Variants in NEB observed in about 807,000 individuals in gnomAD.
NEB encodes the protein nebulin.
A neutral mutation model predicts 952.2 loss-of-function variants in NEB; 512 were observed. The ratio of observed to expected loss-of-function variants is 0.54; its 90% CI spans 0.50 to 0.58. The LOEUF (loss-of-function observed/expected upper bound fraction) is 0.58. NEB is among the 20% of genes least tolerant of loss of function. The pLI is 0.00. For synonymous variants in NEB, 2,900 were observed against 3,149.8 expected (o/e 0.92, Z 2.66); for missense variants, 8,428 against 9,231.1 (o/e 0.91, Z 3.56).
At position 151,492,103 on chromosome 2, in the gene NEB, A is replaced by G; in HGVS notation, c.25052T>C (p.Ile8351Thr). 1 of 1,613,868 alleles carries G rather than the reference A, an allele frequency of 6.2e-7. No individual in the cohort carries two copies. Among genetic ancestry groups the G allele is most frequent in the Non-Finnish European group, 8.5e-7 (1 of 1,179,810 alleles). ...QKRNDQDQETITGLRVWRTNP... is the reference protein window; with the variant it reads ...QKRNDQDQETTTGLRVWRTNP... ...CCCAACCCAGGCTCAGTTACCTGTAATAGTCTCCTGATCTTGGTCATTCCG... is the reference window on the plus strand; with the variant it reads ...CCCAACCCAGGCTCAGTTACCTGTAGTAGTCTCCTGATCTTGGTCATTCCG... The change falls in exon 178 of 182, where the codon ATT (isoleucine) becomes ACT (threonine). Residue 8351 changes from isoleucine to threonine, a missense_variant. Physicochemically the swap from Ile to Thr is moderately conservative, Grantham distance 89 (BLOSUM62 -1). Transcript: ENST00000397345.
chr2:151,723,623 A>G (rs936430909), intron 8 of NEB, 137 bp from the exon 9 acceptor site: 6 of 578,770 alleles, frequency 1.0e-5, no homozygotes, highest in Admixed American at 9.2e-5. Context: ...TTCACAGATA[A>G]CTTCCCACTT....
At chr2:151,685,924 T>C (rs958784297) in intron 27 of NEB, among the ~76,000 whole-genome samples, 2 of 152,232 alleles carry the variant, frequency 1.3e-5, no homozygotes, top group Non-Finnish European at 2.9e-5. Flanking sequence ...ATCTGATCTT[T>C]TGGCTTTCTA....
At chr2:151,730,910 A>G (rs2099806281) in intron 3 of NEB, among the ~76,000 whole-genome samples, 1 of 152,168 alleles carries the variant, frequency 6.6e-6, no homozygotes, top group Non-Finnish European at 1.5e-5. Flanking sequence ...TTCTGCCTGT[A>G]TGTCGTTACA....
In NEB at chr2:151,565,783, A is replaced by G. The variant is rs1213296237; in HGVS notation, c.18194T>C (p.Ile6065Thr). The stretch of plus-strand genomic sequence containing the variant: ...CACAGAATCCAGTGGGATCCAGCCA[A>G]TGCCTCGGAGCCACTCCAGGTCAGC... Reference protein sequence around the residue: ...YRADLEWLRGIGWIPLDSVDH... With the variant: ...YRADLEWLRGTGWIPLDSVDH... Residue 6065 changes from isoleucine (I) to threonine (T), a missense_variant, in exon 115 of 182, where the codon ATT becomes ACT. Coordinates refer to ENST00000397345, the MANE Select transcript of NEB (RefSeq NM_001164508.2). 14 of 1,612,180 alleles carry G rather than the reference A, an allele frequency of 8.7e-6. No homozygotes were observed. Among genetic ancestry groups the G allele is most frequent in the South Asian group, 2.2e-5 (2 of 90,692 alleles).
rs1007362811 is a variant in NEB at position 151,570,221 on chromosome 2, T to C, written c.17290A>G (p.Met5764Val). The C allele has an allele frequency of 1.2e-6, 2 of 1,613,798 alleles. No homozygotes were observed. The highest frequency in any genetic ancestry group is 1.7e-5 in the Admixed American group (1 of 60,014). ...TTTTTAGAGTGCAGGATGGAAAGCA[T>C]GTCCACAGGGCTCTGGATCTTGGCC... is the stretch of plus-strand genomic sequence containing the variant. ...WKAKIQSPVD[M>V]LSILHSKNSQ... The change falls in exon 109 of 182, where the codon ATG (methionine) becomes GTG (valine). Residue 5764 changes from methionine (M) to valine (V), a missense_variant. Met to Val is a conservative substitution (Grantham distance 21, BLOSUM62 1). Coordinates refer to ENST00000397345, the MANE Select transcript of NEB (RefSeq NM_001164508.2).
At position 151,679,988 on chromosome 2, in the gene NEB, T is replaced by C. The variant is rs377244662; in HGVS notation, c.3077A>G (p.His1026Arg). 13 of 1,612,876 alleles carry C rather than the reference T, an allele frequency of 8.1e-6. No individual in the cohort carries two copies. Among genetic ancestry groups the C allele is most frequent in the Non-Finnish European group, 9.3e-6 (11 of 1,178,850 alleles). ...AYKAKGEEII[H>R]KYNLPPDLPQ... ...CAGGTCTGGTGGCAGGTTGTATTTG[T>C]GAATAATTTCCTCTCCTTTGGCTTT... Residue 1026 changes from histidine (H) to arginine (R), a missense_variant, in exon 31 of 182, where the codon CAC (histidine) becomes CGC (arginine). Physicochemically the swap from His to Arg is conservative, Grantham distance 29. Coordinates refer to ENST00000397345, the MANE Select transcript of NEB (RefSeq NM_001164508.2).
intron 141 of NEB, among the ~76,000 whole-genome samples, 194 bp from the exon 142 acceptor site, chr2:151,535,989 C>G (rs1239443052): frequency 6.6e-6 from 1 of 152,198 alleles, no homozygotes; most frequent in Admixed American, 6.5e-5. Flanking sequence ...TCACTGCAAC[C>G]TCCGCCTCCC....
chr2:151,529,408 G>A, intron 145 of NEB, 94 bp from the exon 146 acceptor site: 1 of 809,752 alleles, frequency 1.2e-6, no homozygotes, highest in Non-Finnish European at 2.1e-6. Flanking sequence ...CATGACTATA[G>A]TACACAATGC....
chr2:151,565,570 A>C lies in NEB; in HGVS notation c.18297T>G (p.Pro6099=), dbSNP rs780753680. ...GAGGATCCACCACACTTCTAAAGTT[A>C]GGATAGTTTTCAAGGGCATTTTTCT... The part of the protein sequence containing the change: ...KYKKNALENY[P]NFRSVVDPPE... Residue 6099 remains proline, a synonymous_variant, in exon 116 of 182, where the codon CCT becomes CCG. Coordinates refer to ENST00000397345, the MANE Select transcript of NEB (RefSeq NM_001164508.2). 7 of 1,600,346 alleles carry C rather than the reference A, an allele frequency of 4.4e-6. No homozygotes were observed. Among genetic ancestry groups the C allele is most frequent in the Non-Finnish European group, 6.0e-6 (7 of 1,168,646 alleles).
In NEB at chr2:151,640,574, G is replaced by C. The variant is rs61730771; in HGVS notation, c.8466C>G (p.His2822Gln). 1.1e-5 allele frequency: 18 copies of C among 1,613,698 alleles called. No homozygotes were observed. The highest frequency in any genetic ancestry group is 1.5e-5 in the Non-Finnish European group (18 of 1,179,846). ...CCCTGTCACTCTGGATCTTGGCCACGTGCATGGACCACATCATCTTGGGGT... is the reference window on the plus strand; with the variant it reads ...CCCTGTCACTCTGGATCTTGGCCACCTGCATGGACCACATCATCTTGGGGT... ...RDDPKMMWSM[H>Q]VAKIQSDREY... The change falls in exon 61 of 182, where the codon CAC becomes CAG. Residue 2822 changes from histidine (H) to glutamine (Q), a missense_variant. Around this residue, in one of 11 missense-constraint regions of NEB, gnomAD observed 1,772 missense variants for 1,960.3 expected, o/e 0.90. Transcript: ENST00000397345.
chr2:151,635,580 C>T (rs1190618518), intron 64 of NEB, among the ~76,000 whole-genome samples: 3 of 151,982 alleles, frequency 2.0e-5, no homozygotes, highest in South Asian at 2.1e-4. Flanking sequence ...GTGGTGAGTG[C>T]CTGTAATCCC....
At chr2:151,594,469 G>A (rs1455508269) in intron 92 of NEB, among the ~76,000 whole-genome samples, 151 bp from the exon 93 acceptor site, 3 of 151,040 alleles carry the variant, frequency 2.0e-5, no homozygotes, top group Admixed American at 1.3e-4. Flanking sequence ...TCACTTTAAA[G>A]GAATTAGATA....
At chr2:151,523,235 A>C (rs1253568836) in intron 153 of NEB, among the ~76,000 whole-genome samples, 1 of 152,204 alleles carries the variant, frequency 6.6e-6, no homozygotes, top group African/African-American at 2.4e-5. Flanking sequence ...CAATTCCATT[A>C]ATTTATAATA....
At chr2:151,558,047 G>A (rs186976447) in intron 124 of NEB, among the ~76,000 whole-genome samples, 7 of 152,216 alleles carry the variant, frequency 4.6e-5, no homozygotes, top group Admixed American at 3.3e-4. Flanking sequence ...AGAAATAAAC[G>A]GTATTCAATT....
chr2:151,647,576 T>A (rs1269639032), intron 54 of NEB, among the ~76,000 whole-genome samples: 5 of 152,204 alleles, frequency 3.3e-5, no homozygotes, highest in Non-Finnish European at 7.3e-5. Flanking sequence ...AACAAATTGA[T>A]ATCCTGTGCC....
intron 46 of NEB, among the ~76,000 whole-genome samples, chr2:151,660,067 G>T (rs1311531672): frequency 1.3e-5 from 2 of 152,130 alleles, no homozygotes; most frequent in African/African-American, 4.8e-5. Context: ...CCAGTCACCA[G>T]CTGTCTCACT....
intron 135 of NEB, among the ~76,000 whole-genome samples, chr2:151,544,466 G>A (rs1178884418): frequency 2.6e-5 from 4 of 152,158 alleles, no homozygotes; most frequent in Admixed American, 2.0e-4. Context: ...GTCTGGTGTG[G>A]AACAAGGGGT....
rs374388899 is a variant in NEB, at chr2:151,676,267, T to C, written c.3775-876A>G. 2.1e-4 allele frequency among the ~76,000 whole-genome samples: 32 copies of C among 152,330 alleles called. No individual in the cohort carries two copies. In the South Asian group the frequency reaches 6.4e-3, roughly 31 times the overall value. ...GTCCTCATTGCCTTTAAGAACAATA[T>C]CTAAGCAATGACAGATTCATGAATT... is the stretch of plus-strand genomic sequence containing the variant. On this transcript the variant is annotated intron_variant, in intron 34 of 181. Coordinates refer to ENST00000397345, the MANE Select transcript of NEB (RefSeq NM_001164508.2).
chr2:151,492,797 C>T (rs972769824), intron 176 of NEB: 6 of 219,988 alleles, frequency 2.7e-5, no homozygotes, highest in Non-Finnish European at 5.4e-5. Flanking sequence ...TCAACATATT[C>T]GATGGTATTT....
Sources: gnomAD v4.1 joint callset for allele counts (sites outside exome capture counted in the v4.1 genomes callset) on GRCh38, gnomAD v4.1.1 for gene constraint, gnomAD v4.1.1 regional missense constraint, MANE v1.5 for transcripts, NCBI Gene and HGNC (gene_info 2026-07-23, HGNC 2026-07-21) for gene names.